Variants in DNAH8 observed in about 807,000 individuals in gnomAD.
The protein encoded by DNAH8 is dynein axonemal heavy chain 8.
DNAH8 carries 382 observed loss-of-function variants against 562.1 expected under a neutral mutation model. That is an observed-to-expected ratio of 0.68 (90% CI 0.63 to 0.74). The LOEUF (loss-of-function observed/expected upper bound fraction) is 0.74. Ranked by LOEUF, DNAH8 falls within the 30% of genes least tolerant of loss-of-function variation. DNAH8 has a pLI of 0.00. For missense variants in DNAH8, 5,203 were observed against 5,620.4 expected (o/e 0.93, Z 2.37); for synonymous variants, 1,881 against 1,919.4 (o/e 0.98, Z 0.52).
chr6:38,842,858 A>T lies in DNAH8; in HGVS notation c.4800A>T (p.Arg1600Ser), dbSNP rs141012833. The T allele has an allele frequency of 9.7e-5, 157 of 1,613,836 alleles. No individual in the cohort carries two copies. In the African/African-American group the frequency reaches 1.8e-3, roughly 18 times the overall value. Residue 1600 changes from arginine to serine, a missense_variant, in exon 35 of 93, where the codon AGA becomes AGT. By Grantham distance (110) the Arg-to-Ser change is moderately radical. Coordinates refer to ENST00000327475, the MANE Select transcript of DNAH8 (RefSeq NM_001206927.2). ...FDVESDSFCL[R>S]NIMEAPLLKH... ...TGGAATCTGATTCTTTTTGCCTTAGAAATATCATGGAAGCACCACTCCTTA... is the reference window on the plus strand; with the variant it reads ...TGGAATCTGATTCTTTTTGCCTTAGTAATATCATGGAAGCACCACTCCTTA...
rs145485818 is a variant in DNAH8 at position 38,938,953 on chromosome 6, C to T, written c.11972C>T (p.Thr3991Ile). 1.5e-4 allele frequency: 241 copies of T among 1,613,504 alleles called. No individual in the cohort carries two copies. The highest frequency in any genetic ancestry group is 1.9e-4 in the Non-Finnish European group (227 of 1,179,790). ...TTAAAGATTGACCTTCAGAGAGGGA[C>T]AGTTAAGCACAGAGAGTTTCAAGCT... The part of the protein sequence containing the change: ...MTLKIDLQRG[T>I]VKHREFQALI... The change falls in exon 79 of 93, where the codon ACA becomes ATA. Residue 3991 changes from threonine (T) to isoleucine (I), a missense_variant. Physicochemically the swap from Thr to Ile is moderately conservative, Grantham distance 89 (BLOSUM62 -1). Coordinates refer to ENST00000327475, the MANE Select transcript of DNAH8 (RefSeq NM_001206927.2).
At chr6:38,969,735 C>T (rs1307114309) in intron 82 of DNAH8, among the ~76,000 whole-genome samples, 1 of 151,610 alleles carries the variant, frequency 6.6e-6, no homozygotes, top group African/African-American at 2.4e-5. Flanking sequence ...TGGTGTGTGG[C>T]AGCAGTAGCA....
rs188842873 is a variant in DNAH8, at chr6:38,940,672, T to A, written c.12007+1684T>A. ...TGACACATGTCACTTACGCTCCTAT[T>A]TCCTTAGCCAAAGCCAGACACACAG... On this transcript the variant is annotated intron_variant, in intron 79 of 92. Transcript: ENST00000327475. Among the ~76,000 whole-genome samples, 259 of 152,232 alleles carry A rather than the reference T, an allele frequency of 1.7e-3. 7 individuals carry two copies. Among genetic ancestry groups the A allele is most frequent in the Admixed American group, 0.016 (240 of 15,286 alleles).
intron 43 of DNAH8, among the ~76,000 whole-genome samples, chr6:38,861,744 G>A (rs1027997453): frequency 1.3e-5 from 2 of 152,130 alleles, no homozygotes; most frequent in African/African-American, 2.4e-5. Flanking sequence ...GTATTGGCCA[G>A]GCTGGTCTTG....
intron 71 of DNAH8, among the ~76,000 whole-genome samples, chr6:38,922,807 T>C (rs1482840396): frequency 6.6e-6 from 1 of 152,252 alleles, no homozygotes; most frequent in Non-Finnish European, 1.5e-5. Context: ...ATTTGTCTGA[T>C]TAAAAGATAA....
At chr6:38,833,108 A>G (rs1484374256) in intron 31 of DNAH8, among the ~76,000 whole-genome samples, 1 of 152,176 alleles carries the variant, frequency 6.6e-6, no homozygotes, top group Non-Finnish European at 1.5e-5. Flanking sequence ...TCAAACTGGT[A>G]TTCTGACTGA....
intron 11 of DNAH8, among the ~76,000 whole-genome samples, chr6:38,767,294 G>A (rs1193785031): frequency 6.6e-6 from 1 of 152,092 alleles, no homozygotes; most frequent in African/African-American, 2.4e-5. Context: ...AAAATTAGCT[G>A]GGTGTGGTGG....
chr6:38,898,175 A>G (rs1779826829), intron 60 of DNAH8, 83 bp from the exon 61 acceptor site: 6 of 1,221,928 alleles, frequency 4.9e-6, no homozygotes. Context: ...TTTTAAAATT[A>G]CTTTTGAGTG....
chr6:38,754,496 C>T (rs576703934), intron 9 of DNAH8, among the ~76,000 whole-genome samples: 1 of 152,266 alleles, frequency 6.6e-6, no homozygotes, highest in South Asian at 2.1e-4. Context: ...ATACCCCACA[C>T]CTAGGACATA....
At position 38,801,890 on chromosome 6, in the gene DNAH8, C is replaced by G. The variant is rs150397058; in HGVS notation, c.2902-1289C>G. Among the ~76,000 whole-genome samples the G allele has an allele frequency of 2.6e-5, 4 of 152,236 alleles. No individual in the cohort carries two copies. In the East Asian group the frequency reaches 7.7e-4, roughly 29 times the overall value. On this transcript the variant is annotated intron_variant, in intron 21 of 92. Transcript: ENST00000327475. Reference sequence around the variant, plus strand: ...TTTTCTGGAGAGAAGTTTGCATGGACAGACTTGGGATCCTCTGCAGTTGTG... The same window carrying G: ...TTTTCTGGAGAGAAGTTTGCATGGAGAGACTTGGGATCCTCTGCAGTTGTG...
At position 39,030,044 on chromosome 6, in the gene DNAH8, C is replaced by G. The variant is rs1015151535; in HGVS notation, c.13837-61C>G. 3.6e-6 allele frequency: 5 copies of G among 1,384,262 alleles called. No individual in the cohort carries two copies. The African/African-American group carries it at 5.8e-5, about 16-fold the overall frequency. The allele number at this position is 1,384,262 out of a possible 1,614,324, so 85.7% of individuals were successfully genotyped here. A position where few individuals can be genotyped will look rare whatever the true frequency, so the allele number is the denominator to read the frequency against. On this transcript the variant is annotated intron_variant, in intron 92 of 92. Coordinates refer to ENST00000327475, the MANE Select transcript of DNAH8 (RefSeq NM_001206927.2). Reference sequence around the variant, plus strand: ...ATTTCCAAACTGACAGCCTTTATGACTAATTTTGCAGCACCTAGTTTAAAA... The same window carrying G: ...ATTTCCAAACTGACAGCCTTTATGAGTAATTTTGCAGCACCTAGTTTAAAA...
chr6:38,913,759 A>T, intron 66 of DNAH8, 90 bp from the exon 67 acceptor site: 1 of 833,316 alleles, frequency 1.2e-6, no homozygotes, highest in Non-Finnish European at 1.9e-6. Flanking sequence ...TTACATGTAC[A>T]GTGCCTAATA....
chr6:39,015,064 G>A (rs1033471077), intron 91 of DNAH8, among the ~76,000 whole-genome samples: 1 of 152,096 alleles, frequency 6.6e-6, no homozygotes, highest in Non-Finnish European at 1.5e-5. Flanking sequence ...ATTGGGAGAG[G>A]GACAGGTAGG....
intron 28 of DNAH8, 86 bp downstream of exon 28, chr6:38,823,774 T>C: frequency 1.2e-6 from 1 of 837,424 alleles, no homozygotes; most frequent in East Asian, 2.6e-5. Flanking sequence ...TAAGTTATCT[T>C]GGTACAATAG....
intron 3 of DNAH8, among the ~76,000 whole-genome samples, chr6:38,724,229 C>G (rs575414488): frequency 6.6e-5 from 10 of 152,164 alleles, no homozygotes; most frequent in African/African-American, 2.2e-4. Context: ...GATCTGCCCA[C>G]CTTGGCCTCC....
At chr6:38,876,614 T>C (rs9366982) in intron 53 of DNAH8, among the ~76,000 whole-genome samples, 65,858 of 151,902 alleles carry the variant, frequency 0.43, 15,204 homozygotes, top group East Asian at 0.84. Context: ...GAAGCGCACG[T>C]CACAGGACAT....
chr6:38,948,404 T>A (rs1761608006), intron 80 of DNAH8, among the ~76,000 whole-genome samples: 1 of 151,994 alleles, frequency 6.6e-6, no homozygotes. Flanking sequence ...AATGGCACAA[T>A]CTTGGCTCAC....
At chr6:38,891,709 T>C (rs2150488451) in intron 58 of DNAH8, among the ~76,000 whole-genome samples, 1 of 152,346 alleles carries the variant, frequency 6.6e-6, no homozygotes, top group Non-Finnish European at 1.5e-5. Flanking sequence ...TGAGATAGTT[T>C]TCCGTGGTAA....
At chr6:38,898,200 A>G (rs1381112056) in intron 60 of DNAH8, 58 bp from the exon 61 acceptor site, 5 of 1,443,764 alleles carry the variant, frequency 3.5e-6, no homozygotes, top group East Asian at 2.4e-5. Context: ...TACAATTGCT[A>G]CTTTAATACA....
Sources: gnomAD v4.1 joint callset for allele counts (sites outside exome capture counted in the v4.1 genomes callset) on GRCh38, gnomAD v4.1.1 for gene constraint, MANE v1.5 for transcripts, NCBI Gene and HGNC (gene_info 2026-07-23, HGNC 2026-07-21) for gene names.